Variants in HAPLN2 observed in about 807,000 individuals in gnomAD.
The protein encoded by HAPLN2 is brain link protein-1.
A neutral mutation model predicts 29.3 loss-of-function variants in HAPLN2; 27 were observed. The observed-to-expected ratio is 0.92, with a 90% CI of 0.68 to 1.27. The LOEUF (loss-of-function observed/expected upper bound fraction) is 1.27. Among genes scored for constraint, HAPLN2 ranks in the 50% most tolerant of loss-of-function variants. HAPLN2 has a pLI of 0.00. For missense variants in HAPLN2, 454 were observed against 484.3 expected (o/e 0.94, Z 0.59); for synonymous variants, 208 against 211.7 (o/e 0.98, Z 0.15).
the HAPLN2 span, among the ~76,000 whole-genome samples, chr1:156,610,038 AC>A: frequency 2.6e-5 from 4 of 151,928 alleles, no homozygotes; most frequent in Non-Finnish European, 5.9e-5. Flanking sequence ...ACATGGTGAA[AC>A]CCCGTCTCTA....
the HAPLN2 span, among the ~76,000 whole-genome samples, chr1:156,608,205 A>G: frequency 1.3e-5 from 2 of 152,232 alleles, no homozygotes; most frequent in African/African-American, 2.4e-5. Context: ...GACAGAGCAC[A>G]GAGAGAGATG....
At chr1:156,621,525 C>T (rs1372610123) in intron 2 of HAPLN2, among the ~76,000 whole-genome samples, 1 of 151,452 alleles carries the variant, frequency 6.6e-6, no homozygotes, top group Non-Finnish European at 1.5e-5. Flanking sequence ...ACCTGAGGTC[C>T]GGAGTTCTCA....
rs755622129 is a variant in HAPLN2 at position 156,623,463 on chromosome 1, GC to G, written c.-24-3del. On this transcript the variant is annotated splice_region_variant and splice_polypyrimidine_tract_variant and intron_variant, in intron 2 of 6. Transcript: ENST00000255039. ...AAGAACTGCCCACTCTTTGTGCCCTGCAGACGGTGCCGGGCTGACCCCCCAT... is the reference window on the plus strand; with the variant it reads ...AAGAACTGCCCACTCTTTGTGCCCTGAGACGGTGCCGGGCTGACCCCCCAT... 6.2e-7 allele frequency: 1 copy of G among 1,612,648 alleles called. No homozygotes were observed. The highest frequency in any genetic ancestry group is 1.1e-5 in the South Asian group (1 of 90,796).
chr1:156,605,785 A>G, the HAPLN2 span, among the ~76,000 whole-genome samples: 1 of 152,206 alleles, frequency 6.6e-6, no homozygotes, highest in Non-Finnish European at 1.5e-5. Flanking sequence ...AAATAAACCC[A>G]TACGCTTATG....
chr1:156,618,037 C>A (rs1042972466), upstream of HAPLN2, among the ~76,000 whole-genome samples: 3 of 152,198 alleles, frequency 2.0e-5, no homozygotes, highest in South Asian at 4.1e-4. Context: ...TGGCTCACGC[C>A]TGTAATCCCA....
At position 156,625,276 on chromosome 1, in the gene HAPLN2, C is replaced by T. The variant is rs1354027037; in HGVS notation, c.915C>T (p.Thr305=). 3 of 1,576,254 alleles carry T rather than the reference C, an allele frequency of 1.9e-6. No homozygotes were observed. The highest frequency in any genetic ancestry group is 2.6e-6 in the Non-Finnish European group (3 of 1,161,982). ...LADGSVRFPI[T]TPRPRCGGLP... is the part of the protein sequence containing the mutation. ...ACGGCAGTGTGCGCTTCCCAATCAC[C>T]ACGCCGAGGCCGCGCTGCGGGGGGC... The change falls in exon 7 of 7, where the codon ACC becomes ACT. Residue 305 remains threonine, a synonymous_variant. Coordinates refer to ENST00000255039, the MANE Select transcript of HAPLN2 (RefSeq NM_021817.3). The surrounding 1 kb of genome is among the most constrained non-coding windows in gnomAD (Gnocchi z 5.7).
At chr1:156,624,918 C>A in intron 6 of HAPLN2, 135 bp downstream of exon 6, 1 of 1,051,662 alleles carries the variant, frequency 9.5e-7, no homozygotes, top group Non-Finnish European at 1.3e-6. Context: ...AGCCCGCCCG[C>A]CCGCCCAGGC....
upstream of HAPLN2, among the ~76,000 whole-genome samples, chr1:156,616,445 C>A (rs951701157): frequency 3.3e-5 from 5 of 152,212 alleles, no homozygotes; most frequent in African/African-American, 1.2e-4. Flanking sequence ...TCTAGGCTTT[C>A]CTCCCCATCA....
chr1:156,608,946 A>G, the HAPLN2 span, among the ~76,000 whole-genome samples: 1 of 152,220 alleles, frequency 6.6e-6, no homozygotes, highest in Non-Finnish European at 1.5e-5. Context: ...AATTTCTGAA[A>G]GGGGCAGTAT....
At chr1:156,616,739 C>T (rs993205272), upstream of HAPLN2, among the ~76,000 whole-genome samples, 2 of 151,966 alleles carry the variant, frequency 1.3e-5, no homozygotes, top group Non-Finnish European at 2.9e-5. Flanking sequence ...AGGAGGGAAG[C>T]GCTTAAGAAC....
At chr1:156,623,146 G>A (rs891487221) in intron 2 of HAPLN2, among the ~76,000 whole-genome samples, 1 of 152,064 alleles carries the variant, frequency 6.6e-6, no homozygotes, top group Non-Finnish European at 1.5e-5. Context: ...TGGGTGTTGG[G>A]AGAGGATAGA....
intron 2 of HAPLN2, among the ~76,000 whole-genome samples, chr1:156,622,065 A>C (rs1678247361): frequency 6.6e-6 from 1 of 152,154 alleles, no homozygotes; most frequent in Admixed American, 6.5e-5. Context: ...TATATTTTTT[A>C]ACTTCATAAT....
upstream of HAPLN2, among the ~76,000 whole-genome samples, chr1:156,616,622 T>C (rs1678064840): frequency 6.6e-6 from 1 of 152,128 alleles, no homozygotes; most frequent in African/African-American, 2.4e-5. Flanking sequence ...CGGAGGCTGT[T>C]TGTTTGAGTT....
the HAPLN2 span, among the ~76,000 whole-genome samples, chr1:156,607,841 T>C: frequency 6.6e-6 from 1 of 152,104 alleles, no homozygotes. Context: ...AGAGAAAATA[T>C]GTTGTGGTTG....
At chr1:156,614,803 G>A (rs980788504), upstream of HAPLN2, 9 of 152,216 alleles carry the variant, frequency 5.9e-5, no homozygotes, top group South Asian at 1.0e-3. Context: ...CAGTTTAAAC[G>A]GTCCACTTGA....
At chr1:156,618,166 C>T (rs571713439), upstream of HAPLN2, among the ~76,000 whole-genome samples, 2 of 151,624 alleles carry the variant, frequency 1.3e-5, no homozygotes, top group Non-Finnish European at 2.9e-5. Flanking sequence ...GGCGTGGTGG[C>T]GCACGTCTGT....
At chr1:156,621,102 ATTTT>A (rs10653107) in intron 2 of HAPLN2, among the ~76,000 whole-genome samples, 1 of 126,082 alleles carries the variant, frequency 7.9e-6, no homozygotes. Context: ...AGAAGTCTTC[ATTTT>A]TTTTTTTTTT....
At chr1:156,615,950 A>G (rs1439452653), upstream of HAPLN2, among the ~76,000 whole-genome samples, 2 of 151,052 alleles carry the variant, frequency 1.3e-5, no homozygotes, top group Non-Finnish European at 2.9e-5. Context: ...AAAAAAAATT[A>G]TTAAAAAAAT....
At chr1:156,617,876 T>C (rs1678099603), upstream of HAPLN2, among the ~76,000 whole-genome samples, 1 of 152,156 alleles carries the variant, frequency 6.6e-6, no homozygotes, top group Admixed American at 6.6e-5. Context: ...AAATGTTCTA[T>C]GTCTTGATCT....
Sources: gnomAD v4.1 joint callset for allele counts (sites outside exome capture counted in the v4.1 genomes callset) on GRCh38, gnomAD v4.1.1 for gene constraint, Gnocchi (gnomAD v3.1) non-coding constraint, MANE v1.5 for transcripts, NCBI Gene and HGNC (gene_info 2026-07-23, HGNC 2026-07-21) for gene names.